BBC3: variants seen among roughly 807,000 people sequenced by gnomAD.
BBC3 encodes BCL2 binding component 3.
Under a neutral mutation model 18.2 loss-of-function variants are expected in BBC3, and 5 were observed. That is an observed-to-expected ratio of 0.27 (90% CI 0.14 to 0.58). The LOEUF is 0.58. Among genes scored for constraint, BBC3 ranks in the 20% least tolerant of loss-of-function variants. The pLI is 0.91. For synonymous variants in BBC3, 119 were observed against 128.0 expected (o/e 0.93, Z 0.47); for missense variants, 224 against 268.9 (o/e 0.83, Z 1.17).
chr19:47,228,164 G>T lies in BBC3; in HGVS notation c.268C>A (p.Pro90Thr). ...GPRSRPRGPRPDGPQPSLSLA... is the reference protein window; with the variant it reads ...GPRSRPRGPRTDGPQPSLSLA... Reference sequence around the variant, plus strand: ...GGGCGGGGCGGGCACTCACCGTCCGGGCGCGGGCCTCGGGGCCGGCTGCGG... The same window carrying T: ...GGGCGGGGCGGGCACTCACCGTCCGTGCGCGGGCCTCGGGGCCGGCTGCGG... The change falls in exon 2 of 4, where the codon CCG becomes ACG. Residue 90 changes from proline (P) to threonine (T), a missense_variant. Physicochemically the swap from Pro to Thr is conservative, Grantham distance 38. Transcript: ENST00000439096. This position sits in a 1 kb window ranked among gnomAD's most constrained non-coding sequence, Gnocchi z 5.5. 3.3e-6 allele frequency: 4 copies of T among 1,226,384 alleles called. No individual in the cohort carries two copies. Among genetic ancestry groups the T allele is most frequent in the Non-Finnish European group, 4.1e-6 (4 of 984,152 alleles). 76.0% of individuals were successfully genotyped at this position (1,226,384 alleles called of 1,614,324 possible). A position where few individuals can be genotyped will look rare whatever the true frequency, so the allele number is the denominator to read the frequency against.
At chr19:47,226,260 C>T (rs994312243) in intron 3 of BBC3, among the ~76,000 whole-genome samples, 1 of 151,672 alleles carries the variant, frequency 6.6e-6, no homozygotes, top group African/African-American at 2.4e-5. Flanking sequence ...GCCGCGCCGC[C>T]CAGCGCCGCC....
upstream of BBC3, among the ~76,000 whole-genome samples, chr19:47,231,658 A>G (rs1231595010): frequency 6.6e-6 from 1 of 152,036 alleles, no homozygotes. This position sits in a 1 kb window ranked among gnomAD's most constrained non-coding sequence, Gnocchi z 4.0. Context: ...GAGCACACAC[A>G]CTCACATACT....
At position 47,230,791 on chromosome 19, in the gene BBC3, C is replaced by A; in HGVS notation, c.-16+138G>T. 1.0e-6 allele frequency: 1 copy of A among 985,266 alleles called. No homozygotes were observed. Among genetic ancestry groups the A allele is most frequent in the Non-Finnish European group, 1.2e-6 (1 of 829,914 alleles). The allele number at this position is 985,266 out of a possible 1,614,324, so 61.0% of individuals were successfully genotyped here. ...CCGGCGACCCTGGCCCAGGGTCCCTCGCGGGGTTTGGAGAGGCGCGGTGTG... is the reference window on the plus strand; with the variant it reads ...CCGGCGACCCTGGCCCAGGGTCCCTAGCGGGGTTTGGAGAGGCGCGGTGTG... On this transcript the variant is annotated intron_variant, in intron 1 of 3. Coordinates refer to ENST00000439096, the MANE Select transcript of BBC3 (RefSeq NM_014417.5). This position sits in a 1 kb window ranked among gnomAD's most constrained non-coding sequence, Gnocchi z 6.7.
rs529213576 is a variant in BBC3, at chr19:47,228,995, T to TACACACACACACACACACAC, written c.-15-550_-15-549insGTGTGTGTGTGTGTGTGTGT. Among the ~76,000 whole-genome samples, 140 of 151,560 alleles carry TACACACACACACACACACAC rather than the reference T, an allele frequency of 9.2e-4. No homozygotes were observed. The highest frequency in any genetic ancestry group is 3.3e-3 in the African/African-American group (135 of 41,224). On this transcript the variant is annotated intron_variant, in intron 1 of 3. Coordinates refer to ENST00000439096, the MANE Select transcript of BBC3 (RefSeq NM_014417.5). The surrounding 1 kb of genome is among the most constrained non-coding windows in gnomAD (Gnocchi z 5.5). ...GGACATCACTACTCAGTACACACAA[T>TACACACACACACACACACAC]ACACACACACCCCCGACCAAAGCAG...
intron 3 of BBC3, 94 bp from the exon 4 acceptor site, chr19:47,222,012 C>G (rs920965441): frequency 7.8e-6 from 9 of 1,148,748 alleles, no homozygotes; most frequent in Non-Finnish European, 1.1e-5. Flanking sequence ...AGGCGACAGT[C>G]TCGCCCACCC....
In BBC3 at chr19:47,226,610, T is replaced by G; in HGVS notation, c.419A>C (p.Gln140Pro). 6.3e-7 allele frequency: 1 copy of G among 1,579,794 alleles called. No homozygotes were observed. Among genetic ancestry groups the G allele is most frequent in the Non-Finnish European group, 8.6e-7 (1 of 1,165,196 alleles). ...GAGGTCGTCCGCCATCCGCCGCAGCTGGGCCCCGATCTCCCGGGCCCACTG... is the reference window on the plus strand; with the variant it reads ...GAGGTCGTCCGCCATCCGCCGCAGCGGGGCCCCGATCTCCCGGGCCCACTG... ...EEQWAREIGAQLRRMADDLNA... is the reference protein window; with the variant it reads ...EEQWAREIGAPLRRMADDLNA... The change falls in exon 3 of 4, where the codon CAG becomes CCG. Residue 140 changes from glutamine (Q) to proline (P), a missense_variant. By Grantham distance (76) the Gln-to-Pro change is moderately conservative. Transcript: ENST00000439096.
chr19:47,221,643 G>A lies in BBC3; in HGVS notation c.*159C>T, dbSNP rs144766692. ...GTCAGTGCACCCCAGGCTGGGCTGG[G>A]GCTGGAGTGGCTGCCCCGGCCCGCC... On this transcript the variant is annotated 3_prime_UTR_variant, in exon 4 of 4. Coordinates refer to ENST00000439096, the MANE Select transcript of BBC3 (RefSeq NM_014417.5). 3.0e-3 allele frequency: 4,354 copies of A among 1,454,024 alleles called. 183 individuals are homozygous for A. In the Admixed American group the frequency reaches 0.08, roughly 27 times the overall value. The allele number at this position is 1,454,024 out of a possible 1,614,324, so 90.1% of individuals were successfully genotyped here. A position where few individuals can be genotyped will look rare whatever the true frequency, so the allele number is the denominator to read the frequency against.
chr19:47,226,327 T>G (rs927158311), intron 3 of BBC3, among the ~76,000 whole-genome samples: 3 of 151,560 alleles, frequency 2.0e-5, no homozygotes, highest in Admixed American at 1.3e-4. Flanking sequence ...GGCGGCCTAG[T>G]CCCTGGCCCT....
chr19:47,223,304 C>T (rs1042168234), intron 3 of BBC3, among the ~76,000 whole-genome samples: 9 of 149,744 alleles, frequency 6.0e-5, no homozygotes, highest in South Asian at 2.1e-4. Flanking sequence ...AGGTGGCTCA[C>T]GCCTGTAATC....
chr19:47,221,829 G>A lies in BBC3; in HGVS notation c.555C>T (p.His185=). ...IMGLLPLPRG[H]RAPEMEPN is the part of the protein sequence containing the mutation. ...AATTGGGCTCCATCTCGGGGGCTCT[G>A]TGGCCCCTGGGTAAGGGCAGGAGTC... is the stretch of plus-strand genomic sequence containing the variant. Residue 185 remains histidine (H), a synonymous_variant, in exon 4 of 4, where the codon CAC becomes CAT. Transcript: ENST00000439096. 1 of 1,613,700 alleles carries A rather than the reference G, an allele frequency of 6.2e-7. No individual in the cohort carries two copies. The highest frequency in any genetic ancestry group is 8.5e-7 in the Non-Finnish European group (1 of 1,179,814).
intron 2 of BBC3, among the ~76,000 whole-genome samples, chr19:47,227,840 C>A (rs2058855512): frequency 6.6e-6 from 1 of 152,192 alleles, no homozygotes; most frequent in Non-Finnish European, 1.5e-5. Flanking sequence ...CAGGAATCCT[C>A]CAGGGGGTCT....
chr19:47,230,841 C>T lies in BBC3; in HGVS notation c.-16+88G>A, dbSNP rs1423274689. On this transcript the variant is annotated intron_variant, in intron 1 of 3. Transcript: ENST00000439096. This position sits in a 1 kb window ranked among gnomAD's most constrained non-coding sequence, Gnocchi z 6.7. ...GGGGAGGCAGGGCGCCCACACTGCT[C>T]TCCGCCTGCACTCCTGTCACCTCCT... The T allele has an allele frequency of 1.0e-6, 1 of 984,598 alleles. No individual in the cohort carries two copies. Among genetic ancestry groups the T allele is most frequent in the Non-Finnish European group, 1.2e-6 (1 of 829,394 alleles). 61.0% of individuals were successfully genotyped at this position (984,598 alleles called of 1,614,324 possible).
intron 3 of BBC3, among the ~76,000 whole-genome samples, chr19:47,225,756 T>A (rs919281214): frequency 6.6e-6 from 1 of 152,140 alleles, no homozygotes; most frequent in African/African-American, 2.4e-5. Context: ...CTATGTCATA[T>A]ACGCTAAGCT....
rs200154173 is a variant in BBC3 at position 47,221,439 on chromosome 19, A to G, written c.*363T>C. On this transcript the variant is annotated 3_prime_UTR_variant, in exon 4 of 4. Coordinates refer to ENST00000439096, the MANE Select transcript of BBC3 (RefSeq NM_014417.5). ...ACCGAGAGGAGAGCCCCCCCCTCCCAGTGTCACCCCTGCAGCTGGAACGGG... is the reference window on the plus strand; with the variant it reads ...ACCGAGAGGAGAGCCCCCCCCTCCCGGTGTCACCCCTGCAGCTGGAACGGG... 1,184 of 54,296 alleles carry G rather than the reference A, an allele frequency of 0.022. 37 individuals carry two copies. Among genetic ancestry groups the G allele is most frequent in the Admixed American group, 0.035 (96 of 2,760 alleles). 3.4% of individuals were successfully genotyped at this position (54,296 alleles called of 1,614,324 possible). A position where few individuals can be genotyped will look rare whatever the true frequency, so the allele number is the denominator to read the frequency against.
intron 3 of BBC3, among the ~76,000 whole-genome samples, chr19:47,225,805 G>A (rs899504731): frequency 1.3e-5 from 2 of 152,138 alleles, no homozygotes; most frequent in Non-Finnish European, 2.9e-5. Context: ...TTCTGGCCTG[G>A]TAAATACGGA....
chr19:47,225,602 CTAT>C (rs2123370614), intron 3 of BBC3, among the ~76,000 whole-genome samples: 1 of 151,260 alleles, frequency 6.6e-6, no homozygotes, highest in Non-Finnish European at 1.5e-5. Context: ...AAGCGTCCTT[CTAT>C]CTCCGCCTCC....
At chr19:47,223,948 C>G (rs1287006251) in intron 3 of BBC3, among the ~76,000 whole-genome samples, 1 of 152,162 alleles carries the variant, frequency 6.6e-6, no homozygotes, top group Non-Finnish European at 1.5e-5. Context: ...GGTACCTACT[C>G]TAGAAACACA....
Position 47,230,332 on chromosome 19 carries a change from C to CT in BBC3, c.-16+596dup, listed in dbSNP as rs1600253302. Among the ~76,000 whole-genome samples, 1 of 152,154 alleles carries CT rather than the reference C, an allele frequency of 6.6e-6. No homozygotes were observed. The highest frequency in any genetic ancestry group is 1.9e-4 in the East Asian group (1 of 5,166). ...ACGCGCACACACCCAGGCGAGACAC[C>CT]TGCAGATCCACAACCCCGCACACGC... On this transcript the variant is annotated intron_variant, in intron 1 of 3. Coordinates refer to ENST00000439096, the MANE Select transcript of BBC3 (RefSeq NM_014417.5). This position sits in a 1 kb window ranked among gnomAD's most constrained non-coding sequence, Gnocchi z 6.7.
rs2058894319 is a variant in BBC3, at chr19:47,230,327, G to A, written c.-16+602C>T. Among the ~76,000 whole-genome samples the A allele has an allele frequency of 6.6e-6, 1 of 151,968 alleles. No individual in the cohort carries two copies. Among genetic ancestry groups the A allele is most frequent in the South Asian group, 2.1e-4 (1 of 4,816 alleles). On this transcript the variant is annotated intron_variant, in intron 1 of 3. Coordinates refer to ENST00000439096, the MANE Select transcript of BBC3 (RefSeq NM_014417.5). This position sits in a 1 kb window ranked among gnomAD's most constrained non-coding sequence, Gnocchi z 6.7. The stretch of plus-strand genomic sequence containing the variant: ...CAGACACGCGCACACACCCAGGCGA[G>A]ACACCTGCAGATCCACAACCCCGCA...
Sources: gnomAD v4.1 joint callset for allele counts (sites outside exome capture counted in the v4.1 genomes callset) on GRCh38, gnomAD v4.1.1 for gene constraint, Gnocchi (gnomAD v3.1) non-coding constraint, MANE v1.5 for transcripts, NCBI Gene and HGNC (gene_info 2026-07-23, HGNC 2026-07-21) for gene names.